ADGRV1: variants seen among roughly 807,000 people sequenced by gnomAD.
ADGRV1 encodes G-protein coupled receptor 98.
In ADGRV1, 359 loss-of-function variants were observed where a neutral mutation model predicts 596.2. The observed-to-expected ratio is 0.60, with a 90% CI of 0.55 to 0.66. The LOEUF (loss-of-function observed/expected upper bound fraction) is 0.66. Ranked by LOEUF, ADGRV1 falls within the 30% of genes least tolerant of loss-of-function variation. The pLI is 0.00. For synonymous variants in ADGRV1, 2,681 were observed against 2,679.2 expected (o/e 1.00, Z -0.02); for missense variants, 7,274 against 7,575.6 (o/e 0.96, Z 1.48).
chr5:90,610,139 C>T (rs1356357491), intron 1 of ADGRV1, among the ~76,000 whole-genome samples: 1 of 151,670 alleles, frequency 6.6e-6, no homozygotes, highest in East Asian at 1.9e-4. Flanking sequence ...CCTAAGGTGC[C>T]CATCATTTAT....
rs141404008 is a variant in ADGRV1 at position 91,149,087 on chromosome 5, A to C, written c.18433-943A>C. ...TTGATTTTACAGGCTCAGAGGTGGA[A>C]GGGACTTGCCTTGTCCCAGATGAGA... On this transcript the variant is annotated intron_variant, in intron 87 of 89. Transcript: ENST00000405460. Among the ~76,000 whole-genome samples the C allele has an allele frequency of 2.4e-4, 37 of 152,322 alleles. No individual in the cohort carries two copies. The East Asian group carries it at 7.1e-3, about 29-fold the overall frequency.
At chr5:90,868,199 C>G (rs910590405) in intron 83 of ADGRV1, among the ~76,000 whole-genome samples, 6 of 152,070 alleles carry the variant, frequency 3.9e-5, no homozygotes, top group Admixed American at 1.3e-4. Flanking sequence ...GTTGTTGTTG[C>G]TGCCACTGTT....
At chr5:90,776,024 C>G (rs1427352390) in intron 60 of ADGRV1, among the ~76,000 whole-genome samples, 1 of 152,096 alleles carries the variant, frequency 6.6e-6, no homozygotes, top group Non-Finnish European at 1.5e-5. Flanking sequence ...TGCTTACAGT[C>G]AAATGATAGA....
At chr5:90,846,884 T>G (rs911840055) in intron 78 of ADGRV1, among the ~76,000 whole-genome samples, 21 of 152,142 alleles carry the variant, frequency 1.4e-4, no homozygotes, top group Non-Finnish European at 2.9e-4. Context: ...GATTGGTCCA[T>G]TTTGACAGGG....
chr5:90,812,054 A>AG (rs1024339814), intron 74 of ADGRV1, among the ~76,000 whole-genome samples: 5 of 151,428 alleles, frequency 3.3e-5, no homozygotes, highest in African/African-American at 1.2e-4. Flanking sequence ...CAGCTTCCCG[A>AG]GTAGCTGGGA....
intron 1 of ADGRV1, among the ~76,000 whole-genome samples, chr5:90,574,602 C>T (rs1756969310): frequency 1.3e-5 from 2 of 152,126 alleles, no homozygotes; most frequent in South Asian, 4.1e-4. Context: ...ACGCCAGCTT[C>T]ATAGAGTGAG....
chr5:90,658,319 T>C (rs1272478757), intron 21 of ADGRV1, 41 bp downstream of exon 21: 11 of 1,466,850 alleles, frequency 7.5e-6, no homozygotes, highest in South Asian at 1.7e-5. Context: ...TAAAAATTCA[T>C]TGTAGGTGGA....
At chr5:90,747,231 C>G (rs1014668947) in intron 52 of ADGRV1, among the ~76,000 whole-genome samples, 13 of 152,040 alleles carry the variant, frequency 8.6e-5, no homozygotes, top group African/African-American at 3.1e-4. Flanking sequence ...AGCAAAGGCC[C>G]TGCAGTGTAG....
intron 77 of ADGRV1, among the ~76,000 whole-genome samples, chr5:90,836,965 G>C (rs564640947): frequency 5.8e-4 from 89 of 152,250 alleles, no homozygotes; most frequent in Admixed American, 1.5e-3. Flanking sequence ...AAATAATTAT[G>C]GATCAAGTTG....
At chr5:90,643,148 G>A in intron 13 of ADGRV1, 107 bp downstream of exon 13, 11 of 1,001,936 alleles carry the variant, frequency 1.1e-5, no homozygotes, top group East Asian at 2.7e-5. Flanking sequence ...GAAAGAGGTG[G>A]GCAAGAAAAG....
Position 90,840,922 on chromosome 5 carries a change from C to A in ADGRV1, c.16956C>A (p.Ser5652Arg). 1.3e-6 allele frequency: 2 copies of A among 1,519,168 alleles called. No homozygotes were observed. Among genetic ancestry groups the A allele is most frequent in the South Asian group, 1.4e-5 (1 of 71,756 alleles). 94.1% of individuals were successfully genotyped at this position (1,519,168 alleles called of 1,614,324 possible). ...TCAACAGAGTGCTCCATACCATCAG[C>A]ATGAAAGTGGCCACAGAAAACACAG... ...DILNRVLHTISMKVATENTDE... is the reference protein window; with the variant it reads ...DILNRVLHTIRMKVATENTDE... The change falls in exon 78 of 90, where the codon AGC becomes AGA. Residue 5652 changes from serine to arginine, a missense_variant. This residue lies in a region of ADGRV1 where 1,874 missense variants were observed against 1,970.2 expected (regional missense o/e 0.95). Transcript: ENST00000405460.
At chr5:91,028,995 A>G (rs1285365353) in intron 85 of ADGRV1, among the ~76,000 whole-genome samples, 1 of 152,056 alleles carries the variant, frequency 6.6e-6, no homozygotes, top group African/African-American at 2.4e-5. Flanking sequence ...CTGGGCTTCC[A>G]AAAGTGGTAG....
intron 1 of ADGRV1, among the ~76,000 whole-genome samples, chr5:90,596,538 C>G (rs960266429): frequency 2.6e-5 from 4 of 152,090 alleles, no homozygotes; most frequent in Non-Finnish European, 4.4e-5. Context: ...CTGCAATCCC[C>G]GCACCTCGGG....
chr5:90,995,817 G>A (rs541354044), intron 85 of ADGRV1, among the ~76,000 whole-genome samples: 145 of 152,258 alleles, frequency 9.5e-4, no homozygotes, highest in African/African-American at 3.2e-3. Context: ...CTGGAGTAAA[G>A]GTCACTCTTG....
intron 84 of ADGRV1, among the ~76,000 whole-genome samples, chr5:90,972,132 A>T (rs1212534920): frequency 6.6e-6 from 1 of 152,248 alleles, no homozygotes; most frequent in Non-Finnish European, 1.5e-5. Flanking sequence ...TAAAGGGATC[A>T]ATTCAACAAG....
chr5:90,682,407 C>G (rs951508902), intron 27 of ADGRV1, among the ~76,000 whole-genome samples: 3 of 152,182 alleles, frequency 2.0e-5, no homozygotes, highest in Non-Finnish European at 4.4e-5. Context: ...TATCCTGTCT[C>G]TCTCCCATAA....
chr5:90,951,214 AC>A (rs1343492316), intron 83 of ADGRV1, among the ~76,000 whole-genome samples: 5 of 152,208 alleles, frequency 3.3e-5, no homozygotes, highest in Non-Finnish European at 7.4e-5. Context: ...CTAGGGAAGA[AC>A]TAGTTTAATT....
intron 83 of ADGRV1, among the ~76,000 whole-genome samples, chr5:90,883,408 A>C (rs147929086): frequency 2.8e-3 from 427 of 152,256 alleles, no homozygotes; most frequent in African/African-American, 9.9e-3. Flanking sequence ...GTAGGTATAA[A>C]ATCCAGTAGT....
intron 76 of ADGRV1, among the ~76,000 whole-genome samples, chr5:90,823,876 G>T (rs892970598): frequency 6.6e-6 from 1 of 151,746 alleles, no homozygotes; most frequent in African/African-American, 2.4e-5. Flanking sequence ...TGTATTCTTG[G>T]TACAATTCTT....
Sources: allele counts gnomAD v4.1 joint callset (sites outside exome capture counted in the v4.1 genomes callset), GRCh38; gene constraint gnomAD v4.1.1; regional missense constraint gnomAD v4.1.1; transcripts MANE v1.5; gene names NCBI Gene and HGNC (gene_info 2026-07-23, HGNC 2026-07-21).